Variants in SOWAHC observed in about 807,000 individuals in gnomAD.
SOWAHC encodes the protein sosondowah ankyrin repeat domain family member C, also known as ankyrin repeat domain-containing protein SOWAHC.
SOWAHC carries 12 observed loss-of-function variants against 14.4 expected under a neutral mutation model. That is an observed-to-expected ratio of 0.83 (90% CI 0.53 to 1.35). The LOEUF is 1.35. Ranked by LOEUF, SOWAHC falls within the 40% of genes most tolerant of loss-of-function variation. SOWAHC has a pLI of 0.00. For synonymous variants in SOWAHC, 398 were observed against 347.0 expected (o/e 1.15, Z -1.63); for missense variants, 771 against 752.8 (o/e 1.02, Z -0.28).
Position 109,615,976 on chromosome 2 carries a change from A to C in SOWAHC, c.1487A>C (p.Glu496Ala). The C allele has an allele frequency of 1.9e-6, 3 of 1,567,250 alleles. No homozygotes were observed. Among genetic ancestry groups the C allele is most frequent in the Non-Finnish European group, 2.6e-6 (3 of 1,159,034 alleles). Reference sequence around the variant, plus strand: ...TTCAGGGACCCAGAGCAGCCGCTGGAGGGCAGGGGGGAGGAGGGAGTGGGG... The same window carrying C: ...TTCAGGGACCCAGAGCAGCCGCTGGCGGGCAGGGGGGAGGAGGGAGTGGGG... ...PSFRDPEQPL[E>A]GRGEEGVGEE... Residue 496 changes from glutamate (E) to alanine (A), a missense_variant, in exon 1 of 1, where the codon GAG becomes GCG. Transcript: ENST00000356454.
rs201439866 is a variant in SOWAHC at position 109,615,631 on chromosome 2, A to G, written c.1142A>G (p.Tyr381Cys). ...TACAGTGGGAAAAAGGCCTCCCAGT[A>G]CCTGAGTCGGAGCATCGCCGAGGAG... is the stretch of plus-strand genomic sequence containing the variant. ...RDYSGKKASQ[Y>C]LSRSIAEEIK... Residue 381 changes from tyrosine to cysteine, a missense_variant, in exon 1 of 1, where the codon TAC (tyrosine) becomes TGC (cysteine). Transcript: ENST00000356454. The G allele has an allele frequency of 1.2e-6, 2 of 1,613,756 alleles. No homozygotes were observed. The highest frequency in any genetic ancestry group is 2.2e-5 in the East Asian group (1 of 44,874).
At position 109,614,701 on chromosome 2, in the gene SOWAHC, C is replaced by T; in HGVS notation, c.212C>T (p.Ala71Val). Reference sequence around the variant, plus strand: ...GTGGCCACTGTGCGCGTCGATCCCGCCGACGGCGCCAAGTACGTGCACCTC... The same window carrying T: ...GTGGCCACTGTGCGCGTCGATCCCGTCGACGGCGCCAAGTACGTGCACCTC... The part of the protein sequence containing the change: ...NAVATVRVDP[A>V]DGAKYVHLKK... The change falls in exon 1 of 1, where the codon GCC becomes GTC. Residue 71 changes from alanine to valine, a missense_variant. By Grantham distance (64) the Ala-to-Val change is moderately conservative. Coordinates refer to ENST00000356454, the MANE Select transcript of SOWAHC (RefSeq NM_023016.4). 2 of 1,488,882 alleles carry T rather than the reference C, an allele frequency of 1.3e-6. No homozygotes were observed. The highest frequency in any genetic ancestry group is 1.8e-6 in the Non-Finnish European group (2 of 1,123,984). The allele number at this position is 1,488,882 out of a possible 1,614,324, so 92.2% of individuals were successfully genotyped here.
rs1700159804 is a variant in SOWAHC at position 109,616,943 on chromosome 2, G to C, written c.*876G>C. 1 of 166,876 alleles carries C rather than the reference G, an allele frequency of 6.0e-6. No homozygotes were observed. The highest frequency in any genetic ancestry group is 2.4e-5 in the African/African-American group (1 of 41,412). The allele number at this position is 166,876 out of a possible 1,614,324, so 10.3% of individuals were successfully genotyped here. On this transcript the variant is annotated 3_prime_UTR_variant, in exon 1 of 1. Transcript: ENST00000356454. ...GAATTTGCTGGGGTGTTTATTCTGA[G>C]GATTATTTAACCATTGTTCTATTTG...
Position 109,618,777 on chromosome 2 carries a change from A to C in SOWAHC, c.*2710A>C, listed in dbSNP as rs1276333387. 1 of 167,046 alleles carries C rather than the reference A, an allele frequency of 6.0e-6. No homozygotes were observed. Among genetic ancestry groups the C allele is most frequent in the Non-Finnish European group, 1.5e-5 (1 of 68,102 alleles). The allele number at this position is 167,046 out of a possible 1,614,324, so 10.3% of individuals were successfully genotyped here. On this transcript the variant is annotated 3_prime_UTR_variant, in exon 1 of 1. Coordinates refer to ENST00000356454, the MANE Select transcript of SOWAHC (RefSeq NM_023016.4). ...TATGTCCATGTGTTTCTTATAAGGT[A>C]CACTTGAAACTAGTGAGTGTTTGTC...
rs1235860258 is a variant in SOWAHC at position 109,616,959 on chromosome 2, G to GTTCT, written c.*893_*896dup. 1 of 166,848 alleles carries GTTCT rather than the reference G, an allele frequency of 6.0e-6. No individual in the cohort carries two copies. Among genetic ancestry groups the GTTCT allele is most frequent in the African/African-American group, 2.4e-5 (1 of 41,446 alleles). 10.3% of individuals were successfully genotyped at this position (166,848 alleles called of 1,614,324 possible). ...TTATTCTGAGGATTATTTAACCATTGTTCTATTTGGCATAACCCTATTTAA... is the reference window on the plus strand; with the variant it reads ...TTATTCTGAGGATTATTTAACCATTGTTCTTTCTATTTGGCATAACCCTATTTAA... On this transcript the variant is annotated 3_prime_UTR_variant, in exon 1 of 1. Transcript: ENST00000356454.
rs375730061 is a variant in SOWAHC at position 109,618,646 on chromosome 2, T to G, written c.*2579T>G. 1 of 166,958 alleles carries G rather than the reference T, an allele frequency of 6.0e-6. No homozygotes were observed. The highest frequency in any genetic ancestry group is 2.1e-4 in the South Asian group (1 of 4,830). The allele number at this position is 166,958 out of a possible 1,614,324, so 10.3% of individuals were successfully genotyped here. ...GTCAAGATTATAAAAAGCAAATGAT[T>G]GATATAATTTGATATTCATAGAGTT... On this transcript the variant is annotated 3_prime_UTR_variant, in exon 1 of 1. Coordinates refer to ENST00000356454, the MANE Select transcript of SOWAHC (RefSeq NM_023016.4).
Position 109,614,404 on chromosome 2 carries a change from G to T in SOWAHC, c.-86G>T. ...CAGCCCGCTGAGCCCGCCAGACTCC[G>T]CCGCCGTCGGGAGCCGGCCGCTGGG... On this transcript the variant is annotated 5_prime_UTR_variant, in exon 1 of 1. Transcript: ENST00000356454. 3 of 1,035,414 alleles carry T rather than the reference G, an allele frequency of 2.9e-6. No individual in the cohort carries two copies. The highest frequency in any genetic ancestry group is 3.7e-6 in the Non-Finnish European group (3 of 819,062). The allele number at this position is 1,035,414 out of a possible 1,614,324, so 64.1% of individuals were successfully genotyped here.
Position 109,615,474 on chromosome 2 carries a change from C to T in SOWAHC, c.985C>T (p.Gln329Ter), listed in dbSNP as rs1700098632. Reference sequence around the variant, plus strand: ...GCTAGTCAACTTCGCCAACAAACACCAGCTGCCGGTGAACATCGACGCCAG... The same window carrying T: ...GCTAGTCAACTTCGCCAACAAACACTAGCTGCCGGTGAACATCGACGCCAG... ...AMLVNFANKH[Q>*]LPVNIDARTS... Residue 329 changes from glutamine to a stop codon, truncating the protein, a stop_gained, in exon 1 of 1, where the codon CAG becomes TAG. Transcript: ENST00000356454. LOFTEE classifies it high-confidence loss of function. 1.9e-6 allele frequency: 3 copies of T among 1,613,514 alleles called. No homozygotes were observed. Among genetic ancestry groups the T allele is most frequent in the Non-Finnish European group, 2.5e-6 (3 of 1,180,036 alleles).
At position 109,617,864 on chromosome 2, in the gene SOWAHC, C is replaced by CA. The variant is rs1700169286; in HGVS notation, c.*1802dup. ...TGAAAACCTGTCTCTACTAAAAATACAAAAATTAGCCGAGCGTGGTGGTGC... is the reference window on the plus strand; with the variant it reads ...TGAAAACCTGTCTCTACTAAAAATACAAAAAATTAGCCGAGCGTGGTGGTGC... On this transcript the variant is annotated 3_prime_UTR_variant, in exon 1 of 1. Coordinates refer to ENST00000356454, the MANE Select transcript of SOWAHC (RefSeq NM_023016.4). 6.3e-6 allele frequency: 1 copy of CA among 158,882 alleles called. No homozygotes were observed. The highest frequency in any genetic ancestry group is 6.6e-5 in the Admixed American group (1 of 15,234). 9.8% of individuals were successfully genotyped at this position (158,882 alleles called of 1,614,324 possible). A position where few individuals can be genotyped will look rare whatever the true frequency, so the allele number is the denominator to read the frequency against.
chr2:109,614,828 G>T lies in SOWAHC; in HGVS notation c.339G>T (p.Glu113Asp). The T allele has an allele frequency of 7.0e-7, 1 of 1,432,454 alleles. No individual in the cohort carries two copies. The highest frequency in any genetic ancestry group is 1.4e-5 in the South Asian group (1 of 71,312). The allele number at this position is 1,432,454 out of a possible 1,614,324, so 88.7% of individuals were successfully genotyped here. Reference protein sequence around the residue: ...PEAPDGPAGPEARDRLPDAAA... With the variant: ...PEAPDGPAGPDARDRLPDAAA... ...CCCCCGACGGCCCTGCCGGGCCCGAGGCGCGCGATCGGCTCCCCGACGCGG... is the reference window on the plus strand; with the variant it reads ...CCCCCGACGGCCCTGCCGGGCCCGATGCGCGCGATCGGCTCCCCGACGCGG... Residue 113 changes from glutamate (E) to aspartate (D), a missense_variant, in exon 1 of 1, where the codon GAG becomes GAT. By Grantham distance (45) the Glu-to-Asp change is conservative. Transcript: ENST00000356454.
At position 109,614,967 on chromosome 2, in the gene SOWAHC, G is replaced by C. The variant is rs1488604022; in HGVS notation, c.478G>C (p.Asp160His). ...GGCTCGCAGGAAGAACTCGCGGCGCGACGTGCAGCCCCTACCGCGGACTCC... is the reference window on the plus strand; with the variant it reads ...GGCTCGCAGGAAGAACTCGCGGCGCCACGTGCAGCCCCTACCGCGGACTCC... ...AGARRKNSRR[D>H]VQPLPRTPAP... The change falls in exon 1 of 1, where the codon GAC becomes CAC. Residue 160 changes from aspartate to histidine, a missense_variant. Asp to His is a moderately conservative substitution (Grantham distance 81). Transcript: ENST00000356454. 5.9e-6 allele frequency: 9 copies of C among 1,528,856 alleles called. No homozygotes were observed. Among genetic ancestry groups the C allele is most frequent in the Middle Eastern group, 2.2e-4 (1 of 4,574 alleles). 94.7% of individuals were successfully genotyped at this position (1,528,856 alleles called of 1,614,324 possible).
chr2:109,614,945 TCG>T lies in SOWAHC; in HGVS notation c.458_459del (p.Arg153GlnfsTer54). On this transcript the variant is annotated frameshift_variant, in exon 1 of 1. Transcript: ENST00000356454. LOFTEE classifies it low-confidence loss of function (END_TRUNC). ...ACTGGCCGCCCCTGAGCGCCGGGGC[TCG>T]CAGGAAGAACTCGCGGCGCGACGTG... is the stretch of plus-strand genomic sequence containing the variant. Reference protein sequence around the residue: ...AHWPPLSAGARRKNSRRDVQP... With the variant: ...AHWPPLSAGAXRKNSRRDVQP... The T allele has an allele frequency of 6.6e-7, 1 of 1,519,882 alleles. No individual in the cohort carries two copies. Among genetic ancestry groups the T allele is most frequent in the Non-Finnish European group, 8.8e-7 (1 of 1,138,990 alleles). The allele number at this position is 1,519,882 out of a possible 1,614,324, so 94.1% of individuals were successfully genotyped here.
Position 109,616,963 on chromosome 2 carries a change from T to C in SOWAHC, c.*896T>C, listed in dbSNP as rs962515246. On this transcript the variant is annotated 3_prime_UTR_variant, in exon 1 of 1. Coordinates refer to ENST00000356454, the MANE Select transcript of SOWAHC (RefSeq NM_023016.4). ...TCTGAGGATTATTTAACCATTGTTC[T>C]ATTTGGCATAACCCTATTTAATGGT... The C allele has an allele frequency of 6.0e-6, 1 of 166,998 alleles. No individual in the cohort carries two copies. The highest frequency in any genetic ancestry group is 1.5e-5 in the Non-Finnish European group (1 of 68,126). 10.3% of individuals were successfully genotyped at this position (166,998 alleles called of 1,614,324 possible).
In SOWAHC at chr2:109,615,145, G is replaced by C; in HGVS notation, c.656G>C (p.Ser219Thr). The C allele has an allele frequency of 1.3e-6, 2 of 1,549,622 alleles. No homozygotes were observed. Among genetic ancestry groups the C allele is most frequent in the Non-Finnish European group, 1.7e-6 (2 of 1,146,802 alleles). The change falls in exon 1 of 1, where the codon AGC becomes ACC. Residue 219 changes from serine (S) to threonine (T), a missense_variant. Physicochemically the swap from Ser to Thr is moderately conservative, Grantham distance 58. Coordinates refer to ENST00000356454, the MANE Select transcript of SOWAHC (RefSeq NM_023016.4). ...GGCAGCTCCCCGCAGCTGAAGAGGAGCGTGTGTCCCGGGGGCAGCAGCCCG... is the reference window on the plus strand; with the variant it reads ...GGCAGCTCCCCGCAGCTGAAGAGGACCGTGTGTCCCGGGGGCAGCAGCCCG... Reference protein sequence around the residue: ...VMGSSPQLKRSVCPGGSSPGS... With the variant: ...VMGSSPQLKRTVCPGGSSPGS...
rs1700157032 is a variant in SOWAHC at position 109,616,712 on chromosome 2, A to G, written c.*645A>G. ...AAAGCAATTTCAGTTTTAATCACTGAACAAAAGAAACAGGCAACATTCACT... is the reference window on the plus strand; with the variant it reads ...AAAGCAATTTCAGTTTTAATCACTGGACAAAAGAAACAGGCAACATTCACT... On this transcript the variant is annotated 3_prime_UTR_variant, in exon 1 of 1. Transcript: ENST00000356454. 6.0e-6 allele frequency: 1 copy of G among 167,104 alleles called. No homozygotes were observed. Among genetic ancestry groups the G allele is most frequent in the Admixed American group, 6.5e-5 (1 of 15,286 alleles). 10.4% of individuals were successfully genotyped at this position (167,104 alleles called of 1,614,324 possible). A position where few individuals can be genotyped will look rare whatever the true frequency, so the allele number is the denominator to read the frequency against.
At position 109,615,928 on chromosome 2, in the gene SOWAHC, A is replaced by G; in HGVS notation, c.1439A>G (p.Gln480Arg). 6.2e-7 allele frequency: 1 copy of G among 1,606,852 alleles called. No individual in the cohort carries two copies. Among genetic ancestry groups the G allele is most frequent in the Non-Finnish European group, 8.5e-7 (1 of 1,176,480 alleles). ...CTCAACAAAATCCGATTCAGAACCCAGATCGTCCACACCACACCCTCTTTC... is the reference window on the plus strand; with the variant it reads ...CTCAACAAAATCCGATTCAGAACCCGGATCGTCCACACCACACCCTCTTTC... ...PRLNKIRFRT[Q>R]IVHTTPSFRD... Residue 480 changes from glutamine (Q) to arginine (R), a missense_variant, in exon 1 of 1, where the codon CAG (glutamine) becomes CGG (arginine). Coordinates refer to ENST00000356454, the MANE Select transcript of SOWAHC (RefSeq NM_023016.4).
chr2:109,616,246 C>T lies in SOWAHC; in HGVS notation c.*179C>T, dbSNP rs1348571475. ...TTCTGGGAAAAGTGGATGTCTTTTT[C>T]AGAGATTCATCATACCTTGACCTGT... On this transcript the variant is annotated 3_prime_UTR_variant, in exon 1 of 1. Coordinates refer to ENST00000356454, the MANE Select transcript of SOWAHC (RefSeq NM_023016.4). 11 of 1,007,502 alleles carry T rather than the reference C, an allele frequency of 1.1e-5. No individual in the cohort carries two copies. In the East Asian group the frequency reaches 2.2e-4, roughly 20 times the overall value. 62.4% of individuals were successfully genotyped at this position (1,007,502 alleles called of 1,614,324 possible).
In SOWAHC at chr2:109,615,876, A is replaced by G; in HGVS notation, c.1387A>G (p.Ser463Gly). The G allele has an allele frequency of 6.2e-7, 1 of 1,613,846 alleles. No individual in the cohort carries two copies. The highest frequency in any genetic ancestry group is 8.5e-7 in the Non-Finnish European group (1 of 1,179,922). ...GGATCCAGGGCGCAAAGCCTCGGGC[A>G]GCTCTAGTGGACGTATAAAACCCAG... ...AKDPGRKASG[S>G]SSGRIKPRLN... Residue 463 changes from serine (S) to glycine (G), a missense_variant, in exon 1 of 1, where the codon AGC becomes GGC. Coordinates refer to ENST00000356454, the MANE Select transcript of SOWAHC (RefSeq NM_023016.4).
chr2:109,616,145 C>A lies in SOWAHC; in HGVS notation c.*78C>A. The A allele has an allele frequency of 7.1e-7, 1 of 1,409,230 alleles. No individual in the cohort carries two copies. Among genetic ancestry groups the A allele is most frequent in the South Asian group, 1.8e-5 (1 of 55,594 alleles). 87.3% of individuals were successfully genotyped at this position (1,409,230 alleles called of 1,614,324 possible). A position where few individuals can be genotyped will look rare whatever the true frequency, so the allele number is the denominator to read the frequency against. On this transcript the variant is annotated 3_prime_UTR_variant, in exon 1 of 1. Transcript: ENST00000356454. ...ACTAGGTGTTGTAAGGAAGTGAGACCAGAAGGACAAGCTAAATTATGCATT... is the reference window on the plus strand; with the variant it reads ...ACTAGGTGTTGTAAGGAAGTGAGACAAGAAGGACAAGCTAAATTATGCATT...
Sources: gnomAD v4.1 joint callset for allele counts on GRCh38, gnomAD v4.1.1 for gene constraint, MANE v1.5 for transcripts, NCBI Gene and HGNC (gene_info 2026-07-23, HGNC 2026-07-21) for gene names.